The following PAX7 variants were observed in gnomAD, a reference collection of about 807,000 sequenced individuals.
The protein encoded by PAX7 is paired box 7.
PAX7 carries 18 observed loss-of-function variants against 50.7 expected under a neutral mutation model. That is an observed-to-expected ratio of 0.36 (90% CI 0.25 to 0.53). The LOEUF (loss-of-function observed/expected upper bound fraction) is 0.53, where lower values mean the gene tolerates loss of function less well. Ranked by LOEUF, PAX7 falls within the 20% of genes least tolerant of loss-of-function variation. The pLI is 0.93. For missense variants in PAX7, 644 were observed against 702.9 expected (o/e 0.92, Z 0.95); for synonymous variants, 310 against 290.4 (o/e 1.07, Z -0.69).
At chr1:18,731,447 G>A (rs2236804) in intron 7 of PAX7, among the ~76,000 whole-genome samples, 18,268 of 152,116 alleles carry the variant, frequency 0.12, 1,535 homozygotes, top group East Asian at 0.26. Context: ...GCCACTTACC[G>A]GCTGTGTGGT....
chr1:18,701,949 G>A (rs948163558), intron 6 of PAX7, among the ~76,000 whole-genome samples: 2 of 152,086 alleles, frequency 1.3e-5, no homozygotes, highest in African/African-American at 4.8e-5. Flanking sequence ...GGGAAGAAGG[G>A]TTCCCTCCCC....
chr1:18,711,464 G>T (rs2089350808), intron 7 of PAX7, among the ~76,000 whole-genome samples: 1 of 151,938 alleles, frequency 6.6e-6, no homozygotes, highest in Non-Finnish European at 1.5e-5. Flanking sequence ...TGCTCTCCTT[G>T]ACCCCCTTCA....
intron 7 of PAX7, among the ~76,000 whole-genome samples, chr1:18,716,959 T>G (rs373240238): frequency 6.8e-5 from 8 of 117,420 alleles, no homozygotes. Flanking sequence ...CGGACCCAAG[T>G]CCAGGGCGGG....
Position 18,703,095 on chromosome 1 carries a change from T to G in PAX7, c.954T>G (p.Asp318Glu), listed in dbSNP as rs781183179. ...STYPTTTISQ[D>E]GGSTVHRPQP... ...GACCTCTCTTGGGTCTCTCTACAGATGGGGGCAGCACTGTGCACCGGCCTC... is the reference window on the plus strand; with the variant it reads ...GACCTCTCTTGGGTCTCTCTACAGAGGGGGGCAGCACTGTGCACCGGCCTC... Residue 318 changes from aspartate (D) to glutamate (E), a missense_variant and splice_region_variant, in exon 7 of 9, where the codon GAT becomes GAG. Coordinates refer to ENST00000420770, the MANE Select transcript of PAX7 (RefSeq NM_001135254.2). The G allele has an allele frequency of 6.2e-7, 1 of 1,613,176 alleles. No individual in the cohort carries two copies. The highest frequency in any genetic ancestry group is 8.5e-7 in the Non-Finnish European group (1 of 1,179,514).
intron 4 of PAX7, among the ~76,000 whole-genome samples, chr1:18,652,825 C>T (rs952586643): frequency 6.6e-6 from 1 of 152,186 alleles, no homozygotes; most frequent in African/African-American, 2.4e-5. Flanking sequence ...GTGCCCTCCC[C>T]TTGCCCACCT....
intron 4 of PAX7, among the ~76,000 whole-genome samples, chr1:18,674,879 ACTTGCTGGGAATGAGACTTCCTAGG>A (rs2088802856): frequency 6.6e-6 from 1 of 152,164 alleles, no homozygotes; most frequent in East Asian, 1.9e-4. Flanking sequence ...TCATCTGGGA[ACTTGCTGGGAATGAGACTTCCTAGG>A]CTCCCTCATG....
chr1:18,638,286 T>C (rs2088194768), intron 4 of PAX7, among the ~76,000 whole-genome samples: 1 of 152,146 alleles, frequency 6.6e-6, no homozygotes, highest in African/African-American at 2.4e-5. Flanking sequence ...ATCGTGCGGT[T>C]TGGAGGATTC....
chr1:18,670,757 C>A (rs1452607163), intron 4 of PAX7, among the ~76,000 whole-genome samples: 4 of 152,200 alleles, frequency 2.6e-5, no homozygotes, highest in African/African-American at 9.6e-5. Flanking sequence ...AGCCCGGGCC[C>A]GTGCGAGTCC....
chr1:18,722,745 G>T (rs2089510839), intron 7 of PAX7, among the ~76,000 whole-genome samples: 1 of 152,130 alleles, frequency 6.6e-6, no homozygotes, highest in South Asian at 2.1e-4. Flanking sequence ...AGGGAGGCTG[G>T]ATCTCTGGAG....
At chr1:18,650,675 CT>C (rs1288449208) in intron 4 of PAX7, among the ~76,000 whole-genome samples, 1 of 152,190 alleles carries the variant, frequency 6.6e-6, no homozygotes, top group African/African-American at 2.4e-5. Flanking sequence ...CATGCAACAC[CT>C]TTTTTTATAG....
intron 4 of PAX7, among the ~76,000 whole-genome samples, chr1:18,684,876 C>T (rs1296588160): frequency 3.9e-5 from 6 of 152,076 alleles, no homozygotes; most frequent in African/African-American, 1.4e-4. Context: ...GAGAGAAGGA[C>T]CCCAAACCTC....
At chr1:18,718,400 A>T (rs774308376) in intron 7 of PAX7, among the ~76,000 whole-genome samples, 6 of 152,186 alleles carry the variant, frequency 3.9e-5, no homozygotes, top group Non-Finnish European at 8.8e-5. Context: ...CTCAATTTGC[A>T]GACTCCACCC....
chr1:18,699,562 T>A (rs891941181), intron 5 of PAX7, among the ~76,000 whole-genome samples: 12 of 137,390 alleles, frequency 8.7e-5, no homozygotes, highest in Non-Finnish European at 4.5e-5. Flanking sequence ...AAAGCCAGAC[T>A]GATTTTTTTT....
chr1:18,720,850 G>A (rs2089484356), intron 7 of PAX7, among the ~76,000 whole-genome samples: 2 of 151,998 alleles, frequency 1.3e-5, no homozygotes, highest in South Asian at 4.2e-4. Context: ...AGAGACACAG[G>A]GAGAGAGATA....
chr1:18,710,301 C>T (rs559296561), intron 7 of PAX7, among the ~76,000 whole-genome samples: 7 of 152,300 alleles, frequency 4.6e-5, no homozygotes, highest in South Asian at 4.1e-4. Context: ...CAGCAAGACA[C>T]GACCAAGACA....
At chr1:18,678,199 G>A (rs979720603) in intron 4 of PAX7, among the ~76,000 whole-genome samples, 2 of 152,176 alleles carry the variant, frequency 1.3e-5, no homozygotes, top group African/African-American at 4.8e-5. Flanking sequence ...ATTACCTGAG[G>A]TTGGGAATTC....
intron 4 of PAX7, among the ~76,000 whole-genome samples, chr1:18,648,462 C>T (rs1482493759): frequency 6.6e-6 from 1 of 151,708 alleles, no homozygotes; most frequent in Admixed American, 6.6e-5. Flanking sequence ...TCACCTCTGC[C>T]TCCCGAGTAG....
In PAX7 at chr1:18,735,678, A is replaced by T; in HGVS notation, c.1202A>T (p.Gln401Leu). ...GNPSAVPPQPQADFSISPLHG... is the reference protein window; with the variant it reads ...GNPSAVPPQPLADFSISPLHG... ...CCCAGTGCGGTGCCCCCGCAGCCAC[A>T]GGCTGACTTCTCCATCTCCCCGCTG... Residue 401 changes from glutamine to leucine, a missense_variant, in exon 8 of 9, where the codon CAG (glutamine) becomes CTG (leucine). Coordinates refer to ENST00000420770, the MANE Select transcript of PAX7 (RefSeq NM_001135254.2). This position sits in a 1 kb window ranked among gnomAD's most constrained non-coding sequence, Gnocchi z 4.0. 1 of 1,614,122 alleles carries T rather than the reference A, an allele frequency of 6.2e-7. No homozygotes were observed. The highest frequency in any genetic ancestry group is 1.1e-5 in the South Asian group (1 of 91,076).
At chr1:18,742,886 C>T (rs1931225021) in intron 8 of PAX7, among the ~76,000 whole-genome samples, 1 of 152,216 alleles carries the variant, frequency 6.6e-6, no homozygotes, top group Non-Finnish European at 1.5e-5. Flanking sequence ...CTCACTTCAT[C>T]CTGATAGCAG....
Sources: gnomAD v4.1 joint callset for allele counts (sites outside exome capture counted in the v4.1 genomes callset) on GRCh38, gnomAD v4.1.1 for gene constraint, Gnocchi (gnomAD v3.1) non-coding constraint, MANE v1.5 for transcripts, NCBI Gene and HGNC (gene_info 2026-07-23, HGNC 2026-07-21) for gene names.